The following MADD variants were observed in gnomAD, a reference collection of about 807,000 sequenced individuals.
The protein encoded by MADD is MAP kinase activating death domain.
MADD carries 109 observed loss-of-function variants against 176.7 expected under a neutral mutation model. The observed-to-expected ratio is 0.62, with a 90% CI of 0.53 to 0.72. The LOEUF (loss-of-function observed/expected upper bound fraction) is 0.72. MADD is among the 30% of genes least tolerant of loss of function. The pLI is 0.00. For synonymous variants in MADD, 771 were observed against 771.3 expected (o/e 1.00, Z 0.01); for missense variants, 1,914 against 2,045.5 (o/e 0.94, Z 1.24).
At chr11:47,295,520 G>C in exon 21 of MADD, 1 of 1,614,052 alleles carries the variant, frequency 6.2e-7, no homozygotes, top group Non-Finnish European at 8.5e-7. Context: ...CTCTGTCATC[G>C]GCGTGAGTCC....
upstream of MADD, chr11:47,269,551 G>A (rs61896017): frequency 6.6e-6 from 1 of 152,188 alleles, no homozygotes; most frequent in African/African-American, 2.4e-5. Context: ...ATGTCCTGAG[G>A]CGGGGCTGTC....
At chr11:47,286,642 G>T in intron 15 of MADD, 108 bp downstream of exon 15, 1 of 768,892 alleles carries the variant, frequency 1.3e-6, no homozygotes. Context: ...CCTGGTTGTC[G>T]TCCCTCATGT....
chr11:47,316,161 GCA>G (rs987996671), intron 27 of MADD, among the ~76,000 whole-genome samples: 199 of 124,516 alleles, frequency 1.6e-3, no homozygotes, highest in South Asian at 8.1e-3. Context: ...ACGTGCGCGC[GCA>G]CACACACGCG....
At position 47,326,559 on chromosome 11, in the gene MADD, G is replaced by T; in HGVS notation, c.4543-179G>T. 2.8e-6 allele frequency: 4 copies of T among 1,414,024 alleles called. No individual in the cohort carries two copies. The highest frequency in any genetic ancestry group is 3.7e-6 in the Non-Finnish European group (4 of 1,086,038). The allele number at this position is 1,414,024 out of a possible 1,614,324, so 87.6% of individuals were successfully genotyped here. A position where few individuals can be genotyped will look rare whatever the true frequency, so the allele number is the denominator to read the frequency against. The stretch of plus-strand genomic sequence containing the variant: ...CTCCGGCCAGGAGCGGAAGGTACAT[G>T]CCCTTTCTGCTATCTTCGCTTCTTA... On this transcript the variant is annotated intron_variant, in intron 30 of 32. Coordinates refer to ENST00000402192, the Ensembl canonical transcript of MADD.
chr11:47,310,710 A>C (rs1259818779), intron 25 of MADD, among the ~76,000 whole-genome samples: 1 of 554 alleles, frequency 1.8e-3, no homozygotes, highest in African/African-American at 1.9e-3. Flanking sequence ...GTTCGAGACC[A>C]GCCTTGACCA....
In MADD at chr11:47,286,998, A is replaced by G. The variant is rs113934757; in HGVS notation, c.2653+464A>G. Among the ~76,000 whole-genome samples, 578 of 152,250 alleles carry G rather than the reference A, an allele frequency of 3.8e-3. 5 individuals carry two copies. The highest frequency in any genetic ancestry group is 9.1e-3 in the African/African-American group (377 of 41,542). On this transcript the variant is annotated intron_variant, in intron 15 of 32. Transcript: ENST00000402192. ...CAACCCAGGGCTTAATGAGTGCGCC[A>G]GGTAGTATTGGTTAGTTTCTAGGGG...
chr11:47,301,494 G>C (rs941642736), intron 22 of MADD, among the ~76,000 whole-genome samples: 3 of 152,076 alleles, frequency 2.0e-5, no homozygotes, highest in Non-Finnish European at 4.4e-5. Flanking sequence ...GTTTGTTCTT[G>C]CTTTCACAAT....
intron 7 of MADD, among the ~76,000 whole-genome samples, chr11:47,281,286 G>A (rs772012602): frequency 6.6e-6 from 1 of 152,174 alleles, no homozygotes; most frequent in Admixed American, 6.5e-5. Context: ...AACGACTGTC[G>A]TGGACTTCAG....
Position 47,275,164 on chromosome 11 carries a change from A to C in MADD, c.659+5A>C. On this transcript the variant is annotated splice_donor_5th_base_variant and intron_variant, in intron 3 of 32. Coordinates refer to ENST00000402192, the Ensembl canonical transcript of MADD. ...CATCCCTCGAGGCGTACAAAGGTAC[A>C]GTTTGCTGCTGATGCCTAATGGGGG... 1 of 1,605,922 alleles carries C rather than the reference A, an allele frequency of 6.2e-7. No homozygotes were observed. The highest frequency in any genetic ancestry group is 8.5e-7 in the Non-Finnish European group (1 of 1,175,910).
intron 27 of MADD, among the ~76,000 whole-genome samples, chr11:47,318,140 GC>G (rs1207291302): frequency 6.6e-6 from 1 of 152,110 alleles, no homozygotes; most frequent in Non-Finnish European, 1.5e-5. Context: ...GTTAGAAAAA[GC>G]CTTACTCTCC....
In MADD at chr11:47,286,403, G is replaced by T. The variant is rs368992567; in HGVS notation, c.2552-30G>T. ...CTGCTTTGATTACTTACTCTGCCAAGTCATCGCTCTTGCACCCTCCCCTTG... is the reference window on the plus strand; with the variant it reads ...CTGCTTTGATTACTTACTCTGCCAATTCATCGCTCTTGCACCCTCCCCTTG... On this transcript the variant is annotated intron_variant, in intron 14 of 32. Coordinates refer to ENST00000402192, the Ensembl canonical transcript of MADD. The T allele has an allele frequency of 5.4e-5, 79 of 1,461,736 alleles. No individual in the cohort carries two copies. In the African/African-American group the frequency reaches 8.2e-4, roughly 15 times the overall value. 90.5% of individuals were successfully genotyped at this position (1,461,736 alleles called of 1,614,324 possible).
Position 47,282,984 on chromosome 11 carries a change from G to A in MADD, c.1862+15G>A, listed in dbSNP as rs778171280. 1 of 1,608,988 alleles carries A rather than the reference G, an allele frequency of 6.2e-7. No homozygotes were observed. Among genetic ancestry groups the A allele is most frequent in the Non-Finnish European group, 8.5e-7 (1 of 1,176,686 alleles). ...ACTGATGATAGGTGAGCATCCTTAG[G>A]GCAGCAAAAAGGTTTTAAAGGTGAG... is the stretch of plus-strand genomic sequence containing the variant. On this transcript the variant is annotated intron_variant, in intron 10 of 32. Coordinates refer to ENST00000402192, the Ensembl canonical transcript of MADD.
intron 27 of MADD, among the ~76,000 whole-genome samples, chr11:47,319,677 C>T (rs879282485): frequency 2.6e-5 from 4 of 152,120 alleles, no homozygotes; most frequent in South Asian, 2.1e-4. Context: ...TTTGCACTTA[C>T]GAAAGTGGTA....
chr11:47,290,329 C>A, intron 18 of MADD, 30 bp downstream of exon 19: 1 of 1,606,228 alleles, frequency 6.2e-7, no homozygotes, highest in African/African-American at 1.3e-5. Flanking sequence ...GGCACCACGC[C>A]ATCCCTAACT....
At chr11:47,290,390 C>T in intron 18 of MADD, 91 bp downstream of exon 19, 1 of 1,490,942 alleles carries the variant, frequency 6.7e-7, no homozygotes, top group South Asian at 1.3e-5. Flanking sequence ...GGACACGTTT[C>T]CCAGTGCCAC....
chr11:47,289,361 T>C, intron 15 of MADD, 30 bp from the exon 17 acceptor site: 1 of 1,536,788 alleles, frequency 6.5e-7, no homozygotes, highest in Non-Finnish European at 9.0e-7. Context: ...ACAATAGTGA[T>C]GTCTCTCATT....
intron 22 of MADD, among the ~76,000 whole-genome samples, chr11:47,297,789 C>CTTTTTTT (rs35063043): frequency 3.5e-5 from 4 of 113,388 alleles, no homozygotes; most frequent in Non-Finnish European, 3.6e-5. Context: ...TTCTTTCTTT[C>CTTTTTTT]TTTTTTTTTT....
At chr11:47,319,538 A>G (rs2093970560) in intron 27 of MADD, among the ~76,000 whole-genome samples, 1 of 152,212 alleles carries the variant, frequency 6.6e-6, no homozygotes, top group African/African-American at 2.4e-5. Context: ...AATAATTAAA[A>G]GTTTTACTCA....
intron 31 of MADD, 134 bp downstream of exon 35, chr11:47,326,941 G>T (rs2095511419): frequency 7.5e-6 from 11 of 1,457,544 alleles, no homozygotes; most frequent in Non-Finnish European, 1.0e-5. Context: ...GAGTGACAAG[G>T]AAGAAAAGGG....
Sources: gnomAD v4.1 joint callset for allele counts (sites outside exome capture counted in the v4.1 genomes callset) on GRCh38, gnomAD v4.1.1 for gene constraint, MANE v1.5 for transcripts, NCBI Gene and HGNC (gene_info 2026-07-23, HGNC 2026-07-21) for gene names.